The following HDAC4 variants were observed in gnomAD, a reference collection of about 807,000 sequenced individuals.
The protein encoded by HDAC4 is histone deacetylase A.
In HDAC4, 16 loss-of-function variants were observed where a neutral mutation model predicts 135.1. The observed-to-expected ratio is 0.12, with a 90% CI of 0.08 to 0.18. The LOEUF is 0.18. Among genes scored for constraint, HDAC4 ranks in the 10% least tolerant of loss-of-function variants. The probability of loss-of-function intolerance (pLI) is 1.00; values close to 1 mark genes in which losing one functional copy is unlikely to be tolerated. For synonymous variants in HDAC4, 685 were observed against 653.4 expected (o/e 1.05, Z -0.74); for missense variants, 1,143 against 1,511.8 (o/e 0.76, Z 4.05).
At chr2:239,108,743 T>C (rs1331240318) in intron 14 of HDAC4, among the ~76,000 whole-genome samples, 1 of 152,170 alleles carries the variant, frequency 6.6e-6, no homozygotes, top group African/African-American at 2.4e-5. Context: ...GGAACACATA[T>C]GCTAGAAAAC....
At chr2:239,121,223 C>T (rs1293071037) in intron 12 of HDAC4, among the ~76,000 whole-genome samples, 2 of 152,214 alleles carry the variant, frequency 1.3e-5, no homozygotes, top group Non-Finnish European at 2.9e-5. Flanking sequence ...TCCCAGAGTG[C>T]TGGGATTACA....
Position 239,052,782 on chromosome 2 carries a change from A to G in HDAC4, c.*315T>C, listed in dbSNP as rs2031061024. The G allele has an allele frequency of 4.7e-6, 2 of 423,950 alleles. No homozygotes were observed. The highest frequency in any genetic ancestry group is 3.3e-5 in the South Asian group (1 of 29,936). The allele number at this position is 423,950 out of a possible 1,614,324, so 26.3% of individuals were successfully genotyped here. On this transcript the variant is annotated 3_prime_UTR_variant, in exon 27 of 27. Transcript: ENST00000543185. The stretch of plus-strand genomic sequence containing the variant: ...TTCGGCAGCTCGGCCGCCTGTTGCC[A>G]CAGGCTCCTTTCTTCCACGGCGTCC...
Position 239,380,393 on chromosome 2 carries a change from C to T in HDAC4, c.-220+20585G>A, listed in dbSNP as rs1218445744. On this transcript the variant is annotated intron_variant, in intron 1 of 26. Coordinates refer to ENST00000543185, the MANE Select transcript of HDAC4 (RefSeq NM_001378414.1). ...ATGTATTCTATATTGATAATATAGA[C>T]ATATTTTATCTATGTGTAGCTATAG... is the stretch of plus-strand genomic sequence containing the variant. Among the ~76,000 whole-genome samples, 6 of 152,214 alleles carry T rather than the reference C, an allele frequency of 3.9e-5. No individual in the cohort carries two copies. The East Asian group carries it at 1.2e-3, about 29-fold the overall frequency.
intron 3 of HDAC4, among the ~76,000 whole-genome samples, chr2:239,216,784 C>T (rs919623616): frequency 2.0e-5 from 3 of 152,162 alleles, no homozygotes; most frequent in East Asian, 1.9e-4. Context: ...TTCCCTGTGC[C>T]GGGATGGGAG....
In HDAC4 at chr2:239,269,984, G is replaced by A. The variant is rs981883918; in HGVS notation, c.23-33320C>T. ...GCGAGTGGACCTGACTTATCTCCCC[G>A]CCCCCCAAAATGATGTCCTTACACA... On this transcript the variant is annotated intron_variant, in intron 2 of 26. Transcript: ENST00000543185. Among the ~76,000 whole-genome samples, 7 of 138,086 alleles carry A rather than the reference G, an allele frequency of 5.1e-5. No homozygotes were observed. The East Asian group carries it at 8.2e-4, about 16-fold the overall frequency. The allele number at this position is 138,086 out of a possible 152,430, so 90.6% of individuals were successfully genotyped here.
At chr2:239,248,476 G>A (rs1174663608) in intron 2 of HDAC4, among the ~76,000 whole-genome samples, 1 of 152,098 alleles carries the variant, frequency 6.6e-6, no homozygotes, top group Non-Finnish European at 1.5e-5. Flanking sequence ...TGCAGAGCCC[G>A]GCCACCTCTA....
At chr2:239,292,671 TGAACTA>T (rs1214371794) in intron 2 of HDAC4, among the ~76,000 whole-genome samples, 1 of 152,106 alleles carries the variant, frequency 6.6e-6, no homozygotes, top group African/African-American at 2.4e-5. Context: ...TCCAGTGTCA[TGAACTA>T]GCAGACTAAG....
In HDAC4 at chr2:239,306,500, G is replaced by A. The variant is rs570654199; in HGVS notation, c.22+46178C>T. On this transcript the variant is annotated intron_variant, in intron 2 of 26. Coordinates refer to ENST00000543185, the MANE Select transcript of HDAC4 (RefSeq NM_001378414.1). This position sits in a 1 kb window ranked among gnomAD's most constrained non-coding sequence, Gnocchi z 4.5. ...CTATCCTGTGTCCCATACTCGGCCC[G>A]TAGAGCCATCAAATCATCTGGGCCC... Among the ~76,000 whole-genome samples, 5 of 152,154 alleles carry A rather than the reference G, an allele frequency of 3.3e-5. No individual in the cohort carries two copies. The highest frequency in any genetic ancestry group is 1.9e-4 in the East Asian group (1 of 5,152).
intron 5 of HDAC4, among the ~76,000 whole-genome samples, chr2:239,165,110 C>A (rs2043044433): frequency 6.6e-6 from 1 of 152,174 alleles, no homozygotes; most frequent in South Asian, 2.1e-4. Context: ...GTAGTTCCAG[C>A]TACTTGGGAG....
At chr2:239,203,704 A>C (rs1385241015) in intron 3 of HDAC4, among the ~76,000 whole-genome samples, 1 of 152,142 alleles carries the variant, frequency 6.6e-6, no homozygotes, top group Non-Finnish European at 1.5e-5. Flanking sequence ...GTAGGGAAAG[A>C]CTTCACTGCA....
intron 24 of HDAC4, among the ~76,000 whole-genome samples, chr2:239,059,374 C>T (rs757104437): frequency 6.6e-6 from 1 of 152,106 alleles, no homozygotes; most frequent in African/African-American, 2.4e-5. Context: ...AACTGATTCT[C>T]GGAAGTGCTT....
At chr2:239,232,035 C>T (rs987458973) in intron 3 of HDAC4, among the ~76,000 whole-genome samples, 1 of 57,498 alleles carries the variant, frequency 1.7e-5, no homozygotes, top group Non-Finnish European at 4.4e-5. Context: ...CACCTGCTCC[C>T]GGATGCCTGA....
At chr2:239,330,845 A>G (rs1290224054) in intron 2 of HDAC4, among the ~76,000 whole-genome samples, 2 of 152,250 alleles carry the variant, frequency 1.3e-5, no homozygotes, top group Non-Finnish European at 2.9e-5. Context: ...GTAGTATACT[A>G]AACGTGGTAT....
At position 239,113,463 on chromosome 2, in the gene HDAC4, C is replaced by T. The variant is rs3791418; in HGVS notation, c.1791+1590G>A. Reference sequence around the variant, plus strand: ...TCCCCGACGCGGGCTGGAGGTGCCCCGCCTTATGTTTACCTCGGCAAATTG... The same window carrying T: ...TCCCCGACGCGGGCTGGAGGTGCCCTGCCTTATGTTTACCTCGGCAAATTG... On this transcript the variant is annotated intron_variant, in intron 13 of 26. Coordinates refer to ENST00000543185, the MANE Select transcript of HDAC4 (RefSeq NM_001378414.1). 2.9e-3 allele frequency among the ~76,000 whole-genome samples: 444 copies of T among 152,324 alleles called. 24 individuals carry two copies. The East Asian group carries it at 0.076, about 26-fold the overall frequency.
intron 2 of HDAC4, among the ~76,000 whole-genome samples, chr2:239,302,298 T>G (rs187778460): frequency 1.3e-5 from 2 of 151,996 alleles, no homozygotes; most frequent in African/African-American, 4.8e-5. Context: ...AAGTCTCGGG[T>G]GAGTTCATTT....
intron 1 of HDAC4, among the ~76,000 whole-genome samples, chr2:239,372,402 C>A (rs1321130548): frequency 6.6e-6 from 1 of 152,256 alleles, no homozygotes; most frequent in Non-Finnish European, 1.5e-5. Context: ...GTAACACCAC[C>A]ACACAAAGAC....
intron 2 of HDAC4, among the ~76,000 whole-genome samples, chr2:239,271,021 A>G (rs966231407): frequency 6.6e-6 from 1 of 152,242 alleles, no homozygotes; most frequent in African/African-American, 2.4e-5. Flanking sequence ...TTTATCTGAT[A>G]GACACACAAC....
At chr2:239,094,227 C>T in intron 17 of HDAC4, 2 of 985,450 alleles carry the variant, frequency 2.0e-6, no homozygotes, top group Non-Finnish European at 2.4e-6. Context: ...CTTCTCATGG[C>T]CGCCCTCGCT....
intron 2 of HDAC4, among the ~76,000 whole-genome samples, chr2:239,250,014 G>A (rs1266457110): frequency 2.6e-5 from 4 of 152,114 alleles, no homozygotes; most frequent in Admixed American, 6.5e-5. Context: ...CTGGAAGGAG[G>A]CCGTGCACAG....
Sources: gnomAD v4.1 joint callset for allele counts (sites outside exome capture counted in the v4.1 genomes callset) on GRCh38, gnomAD v4.1.1 for gene constraint, Gnocchi (gnomAD v3.1) non-coding constraint, MANE v1.5 for transcripts, NCBI Gene and HGNC (gene_info 2026-07-23, HGNC 2026-07-21) for gene names.